ATP10A: variants seen among roughly 807,000 people sequenced by gnomAD.
ATP10A encodes the protein phospholipid-transporting ATPase VA.
In ATP10A, 111 loss-of-function variants were observed where a neutral mutation model predicts 147.8. The ratio of observed to expected loss-of-function variants is 0.75; its 90% CI spans 0.64 to 0.88. The LOEUF is 0.88. ATP10A is among the 40% of genes least tolerant of loss of function. The probability of loss-of-function intolerance (pLI) is 0.00; values close to 1 mark genes in which losing one functional copy is unlikely to be tolerated. For synonymous variants in ATP10A, 875 were observed against 841.6 expected (o/e 1.04, Z -0.69); for missense variants, 1,927 against 1,959.0 (o/e 0.98, Z 0.31).
At chr15:25,714,963 TATACACACACAC>T (rs1901694330) in intron 9 of ATP10A, among the ~76,000 whole-genome samples, 1 of 123,880 alleles carries the variant, frequency 8.1e-6, no homozygotes, top group Admixed American at 8.3e-5. Context: ...GAATGACACA[TATACACACACAC>T]ACACACACAC....
At chr15:25,785,639 G>C (rs1027300856) in intron 1 of ATP10A, among the ~76,000 whole-genome samples, 1 of 152,152 alleles carries the variant, frequency 6.6e-6, no homozygotes, top group Non-Finnish European at 1.5e-5. Flanking sequence ...CCATGCACAG[G>C]TTCTACATAC....
chr15:25,691,676 G>A, intron 15 of ATP10A, 39 bp downstream of exon 15: 1 of 1,605,686 alleles, frequency 6.2e-7, no homozygotes, highest in East Asian at 2.2e-5. Context: ...AGGTCAGTAG[G>A]GCCAATTGGT....
intron 13 of ATP10A, among the ~76,000 whole-genome samples, chr15:25,695,663 A>G (rs969861920): frequency 2.0e-5 from 3 of 152,048 alleles, no homozygotes; most frequent in Non-Finnish European, 4.4e-5. Flanking sequence ...AGGTTTCTCT[A>G]AGATCTTACT....
intron 1 of ATP10A, among the ~76,000 whole-genome samples, chr15:25,823,645 C>T (rs1163646194): frequency 6.6e-6 from 1 of 152,184 alleles, no homozygotes; most frequent in Admixed American, 6.5e-5. Context: ...AAAAGCATTA[C>T]TTGAATTAAC....
intron 1 of ATP10A, among the ~76,000 whole-genome samples, chr15:25,839,549 C>T (rs1892724390): frequency 6.6e-6 from 1 of 152,164 alleles, no homozygotes. Flanking sequence ...AGGCGGCAGG[C>T]TCGTCCTCTC....
chr15:25,786,038 C>T (rs1248991600), intron 1 of ATP10A, among the ~76,000 whole-genome samples: 1 of 152,266 alleles, frequency 6.6e-6, no homozygotes, highest in African/African-American at 2.4e-5. Flanking sequence ...GCAGCCCCCA[C>T]TGTGGATGTC....
intron 2 of ATP10A, 102 bp downstream of exon 2, chr15:25,780,917 T>G: frequency 1.5e-6 from 2 of 1,318,886 alleles, no homozygotes; most frequent in Non-Finnish European, 2.1e-6. Flanking sequence ...CAGCCTGGTC[T>G]GACAGACAGG....
chr15:25,726,824 G>A (rs1242242327), intron 4 of ATP10A, among the ~76,000 whole-genome samples: 2 of 151,478 alleles, frequency 1.3e-5, no homozygotes, highest in African/African-American at 4.8e-5. Flanking sequence ...GGCCAAGGCG[G>A]GCGGATCACG....
intron 1 of ATP10A, among the ~76,000 whole-genome samples, chr15:25,847,385 C>A (rs534653090): frequency 4.6e-5 from 7 of 152,240 alleles, no homozygotes; most frequent in African/African-American, 1.7e-4. Flanking sequence ...AAGCTCTTCA[C>A]AGAGCTAGCT....
At chr15:25,803,432 A>G (rs1867511) in intron 1 of ATP10A, among the ~76,000 whole-genome samples, 41,029 of 152,116 alleles carry the variant, frequency 0.27, 6,545 homozygotes, top group African/African-American at 0.44. Context: ...CCTGCTTCTC[A>G]GGTACAAGGA....
intron 2 of ATP10A, among the ~76,000 whole-genome samples, chr15:25,778,150 G>T (rs143645838): frequency 6.6e-6 from 1 of 151,864 alleles, no homozygotes; most frequent in East Asian, 1.9e-4. Flanking sequence ...TAACCTAAGC[G>T]TTGCAAATCA....
chr15:25,715,375 C>T (rs534271701), intron 9 of ATP10A, among the ~76,000 whole-genome samples: 13 of 152,358 alleles, frequency 8.5e-5, no homozygotes, highest in African/African-American at 3.1e-4. Context: ...CACCCAGAGA[C>T]ATCTTCACCT....
upstream of ATP10A, among the ~76,000 whole-genome samples, chr15:25,864,345 A>T (rs1893903329): frequency 5.3e-5 from 8 of 152,304 alleles, no homozygotes; most frequent in South Asian, 1.7e-3. Context: ...AGAAGTACAG[A>T]GATGAGAAGC....
At chr15:25,758,962 A>C (rs901136712) in intron 2 of ATP10A, among the ~76,000 whole-genome samples, 3 of 152,160 alleles carry the variant, frequency 2.0e-5, no homozygotes, top group Non-Finnish European at 4.4e-5. Context: ...ACTCCCGCCA[A>C]AGCACTTACC....
rs574793767 is a variant in ATP10A at position 25,774,302 on chromosome 15, C to T, written c.654+6717G>A. Among the ~76,000 whole-genome samples, 18 of 152,268 alleles carry T rather than the reference C, an allele frequency of 1.2e-4. No individual in the cohort carries two copies. The South Asian group carries it at 1.7e-3, about 14-fold the overall frequency. The stretch of plus-strand genomic sequence containing the variant: ...TTCATTTAGATCAGAGGTTCGGGTG[C>T]GGTAGCTCACACTGGTAATGCCAGC... On this transcript the variant is annotated intron_variant, in intron 2 of 20. Transcript: ENST00000555815.
At chr15:25,712,572 T>C (rs1901504550) in intron 10 of ATP10A, among the ~76,000 whole-genome samples, 1 of 152,194 alleles carries the variant, frequency 6.6e-6, no homozygotes, top group African/African-American at 2.4e-5. Flanking sequence ...ACTCAGATAA[T>C]TGCCCTATTT....
chr15:25,806,158 C>T (rs1434681277), intron 1 of ATP10A, among the ~76,000 whole-genome samples: 1 of 152,072 alleles, frequency 6.6e-6, no homozygotes, highest in Non-Finnish European at 1.5e-5. Flanking sequence ...TCCTGCCTCC[C>T]CTTCCACCTC....
intron 2 of ATP10A, among the ~76,000 whole-genome samples, chr15:25,755,798 T>G (rs987845067): frequency 1.3e-5 from 2 of 152,160 alleles, no homozygotes; most frequent in Non-Finnish European, 2.9e-5. Context: ...AGCTGAAAAG[T>G]CCAACTCTGG....
chr15:25,727,495 G>A (rs560264886), intron 3 of ATP10A, among the ~76,000 whole-genome samples: 1 of 152,084 alleles, frequency 6.6e-6, no homozygotes, highest in South Asian at 2.1e-4. Flanking sequence ...TCCAGAAGCA[G>A]CTCTAGAGCC....
Sources: allele counts gnomAD v4.1 joint callset (sites outside exome capture counted in the v4.1 genomes callset), GRCh38; gene constraint gnomAD v4.1.1; transcripts MANE v1.5; gene names NCBI Gene and HGNC (gene_info 2026-07-23, HGNC 2026-07-21).